GHR: variants seen among roughly 807,000 people sequenced by gnomAD.
GHR encodes the protein GH receptor.
Under a neutral mutation model 67.1 loss-of-function variants are expected in GHR, and 35 were observed. The observed-to-expected ratio is 0.52, with a 90% CI of 0.40 to 0.69. GHR has a LOEUF of 0.69. GHR is among the 30% of genes least tolerant of loss of function. GHR has a pLI of 0.00. For missense variants in GHR, 792 were observed against 764.6 expected (o/e 1.04, Z -0.42); for synonymous variants, 272 against 269.1 (o/e 1.01, Z -0.10).
intron 1 of GHR, among the ~76,000 whole-genome samples, chr5:42,470,745 C>T (rs1744977849): frequency 6.6e-6 from 1 of 152,078 alleles, no homozygotes. Flanking sequence ...GAAATGTTCC[C>T]CTGGCTCTAT....
intron 3 of GHR, among the ~76,000 whole-genome samples, chr5:42,646,746 G>C (rs1580119502): frequency 6.6e-6 from 1 of 152,110 alleles, no homozygotes; most frequent in African/African-American, 2.4e-5. Flanking sequence ...GTGACGTCCT[G>C]CAGCAAGCAA....
At chr5:42,634,295 A>G (rs970935355) in intron 3 of GHR, among the ~76,000 whole-genome samples, 2 of 152,042 alleles carry the variant, frequency 1.3e-5, no homozygotes, top group Admixed American at 6.5e-5. Flanking sequence ...TTTTATTCCA[A>G]TGTGTATTAA....
chr5:42,684,030 T>C (rs369983694), intron 3 of GHR, among the ~76,000 whole-genome samples: 2 of 152,156 alleles, frequency 1.3e-5, no homozygotes, highest in African/African-American at 4.8e-5. Context: ...TGAAGTTGAG[T>C]TTATTATTCT....
At chr5:42,519,767 C>G (rs4866935) in intron 1 of GHR, among the ~76,000 whole-genome samples, 2,911 of 152,300 alleles carry the variant, frequency 0.019, 161 homozygotes, top group East Asian at 0.13. Flanking sequence ...ACCTACTAGA[C>G]TCAAAATTCC....
chr5:42,514,851 T>C (rs1437201972), intron 1 of GHR: 1 of 152,242 alleles, frequency 6.6e-6, no homozygotes, highest in African/African-American at 2.4e-5. Context: ...GATCACACAC[T>C]GCATTTCCCT....
intron 1 of GHR, among the ~76,000 whole-genome samples, chr5:42,557,307 G>T (rs992093337): frequency 6.6e-6 from 1 of 152,034 alleles, no homozygotes; most frequent in African/African-American, 2.4e-5. Flanking sequence ...TAGGAATAGG[G>T]TCTTACATAT....
intron 1 of GHR, chr5:42,468,910 T>C: frequency 3.3e-6 from 2 of 606,080 alleles, no homozygotes; most frequent in South Asian, 6.6e-5. Context: ...TGCAGCGGGC[T>C]GCGCCGAGCC....
Position 42,424,469 on chromosome 5 carries a change from C to T in GHR, c.-12+514C>T. The T allele has an allele frequency of 1.2e-6, 1 of 801,682 alleles. No individual in the cohort carries two copies. The highest frequency in any genetic ancestry group is 2.1e-6 in the Non-Finnish European group (1 of 485,118). The allele number at this position is 801,682 out of a possible 1,614,324, so 49.7% of individuals were successfully genotyped here. ...GCGCGACTGGAGAGACTGGGGAGGT[C>T]GAGCTGTGCGCGTGGACACAGCGCG... On this transcript the variant is annotated intron_variant, in intron 1 of 9. Transcript: ENST00000230882. The surrounding 1 kb of genome is among the most constrained non-coding windows in gnomAD (Gnocchi z 4.1).
chr5:42,547,709 A>G (rs1482570598), intron 1 of GHR, among the ~76,000 whole-genome samples: 1 of 152,200 alleles, frequency 6.6e-6, no homozygotes, highest in East Asian at 1.9e-4. Context: ...ATTAAGATGC[A>G]GGAATTTCAG....
chr5:42,673,744 G>A (rs1756432497), intron 3 of GHR, among the ~76,000 whole-genome samples: 1 of 152,108 alleles, frequency 6.6e-6, no homozygotes, highest in African/African-American at 2.4e-5. Context: ...ATATAAAGGT[G>A]GCAACAATAG....
chr5:42,449,257 A>G (rs937820081), intron 1 of GHR, among the ~76,000 whole-genome samples: 4 of 152,210 alleles, frequency 2.6e-5, no homozygotes, highest in Non-Finnish European at 4.4e-5. Flanking sequence ...GATTCTACCC[A>G]TCCACAAGTG....
intron 1 of GHR, among the ~76,000 whole-genome samples, chr5:42,479,361 C>G (rs1745500476): frequency 6.6e-6 from 1 of 152,140 alleles, no homozygotes; most frequent in Admixed American, 6.5e-5. Context: ...TTGGTTGTGT[C>G]TCTGCCAGGC....
At chr5:42,591,810 C>T (rs998716661) in intron 2 of GHR, among the ~76,000 whole-genome samples, 61 of 152,186 alleles carry the variant, frequency 4.0e-4, no homozygotes, top group African/African-American at 1.4e-3. Flanking sequence ...AACTGATGTC[C>T]ATTGAAAGAA....
chr5:42,489,085 G>A (rs914160289), intron 1 of GHR, among the ~76,000 whole-genome samples: 4 of 151,850 alleles, frequency 2.6e-5, no homozygotes, highest in Non-Finnish European at 4.4e-5. Flanking sequence ...TTCTTATCCT[G>A]TTTCTCTACT....
chr5:42,719,536 G>C lies in GHR; in HGVS notation c.*112G>C. On this transcript the variant is annotated 3_prime_UTR_variant, in exon 10 of 10. Transcript: ENST00000230882. ...CTTTTTTGGGGGAGTGACAGGATGG[G>C]GTATGGATTCTAAAATGCCTTTTCC... 1.0e-6 allele frequency: 1 copy of C among 1,000,856 alleles called. No homozygotes were observed. The highest frequency in any genetic ancestry group is 2.4e-5 in the East Asian group (1 of 42,050). The allele number at this position is 1,000,856 out of a possible 1,614,324, so 62.0% of individuals were successfully genotyped here. A position where few individuals can be genotyped will look rare whatever the true frequency, so the allele number is the denominator to read the frequency against.
chr5:42,697,934 C>G (rs981284085), intron 5 of GHR, among the ~76,000 whole-genome samples: 3 of 151,986 alleles, frequency 2.0e-5, no homozygotes, highest in African/African-American at 7.3e-5. Flanking sequence ...GTGGTGCAGG[C>G]GGTGGGACAT....
intron 2 of GHR, among the ~76,000 whole-genome samples, chr5:42,594,459 A>G (rs1751958714): frequency 1.3e-5 from 2 of 152,128 alleles, no homozygotes; most frequent in Non-Finnish European, 2.9e-5. Context: ...TTTTTTCTTC[A>G]TGCTTTCCTT....
intron 5 of GHR, among the ~76,000 whole-genome samples, chr5:42,697,130 C>T (rs141148131): frequency 1.2e-3 from 189 of 152,290 alleles, no homozygotes; most frequent in African/African-American, 4.3e-3. Context: ...GAACAAAGAA[C>T]TAATGTAACC....
chr5:42,557,728 A>G (rs1182889182), intron 1 of GHR, among the ~76,000 whole-genome samples: 1 of 152,192 alleles, frequency 6.6e-6, no homozygotes, highest in African/African-American at 2.4e-5. Flanking sequence ...GGTAGAAGCT[A>G]ATGTCTCCTG....
Sources: allele counts gnomAD v4.1 joint callset (sites outside exome capture counted in the v4.1 genomes callset), GRCh38; gene constraint gnomAD v4.1.1; non-coding constraint Gnocchi (gnomAD v3.1); transcripts MANE v1.5; gene names NCBI Gene and HGNC (gene_info 2026-07-23, HGNC 2026-07-21).